The following MED23 variants were observed in gnomAD, a reference collection of about 807,000 sequenced individuals.
MED23 encodes mediator of RNA polymerase II transcription subunit 23.
In MED23, 105 loss-of-function variants were observed where a neutral mutation model predicts 163.9. That is an observed-to-expected ratio of 0.64 (90% confidence interval 0.55 to 0.75). The LOEUF (loss-of-function observed/expected upper bound fraction) is 0.75, where lower values mean the gene tolerates loss of function less well. MED23 is among the 30% of genes least tolerant of loss of function. The pLI, the probability that MED23 is intolerant of heterozygous loss-of-function variation, is 0.00. For missense variants in MED23, 1,054 were observed against 1,649.0 expected, an observed-to-expected ratio of 0.64 and a Z score of 6.25; for synonymous variants, 561 against 565.6, an observed-to-expected ratio of 0.99 and a Z score of 0.12.
chr6:131,593,999 C>G (rs1299878628), intron 23 of MED23, 100 bp downstream of exon 23: 3 of 1,029,622 alleles, frequency 2.9e-6, no homozygotes, highest in Non-Finnish European at 4.3e-6. Context: ...AAAATTAAAA[C>G]CTTGAAATAC....
At position 131,595,955 on chromosome 6, in the gene MED23, T is replaced by G. The variant is rs1224659801; in HGVS notation, c.2987A>C (p.Lys996Thr). 2 of 1,613,430 alleles carry G rather than the reference T, an allele frequency of 1.2e-6. No individual in the cohort carries two copies. Among genetic ancestry groups the G allele is most frequent in the Non-Finnish European group, 1.7e-6 (2 of 1,179,554 alleles). Residue 996 changes from lysine to threonine, a missense_variant, in exon 22 of 29, where the codon AAA becomes ACA. Lys to Thr is a moderately conservative substitution (Grantham distance 78). Around this residue, in one of 11 missense-constraint regions of MED23, gnomAD observed 362 missense variants for 471.6 expected, o/e 0.77. Coordinates refer to ENST00000368068, the MANE Select transcript of MED23 (RefSeq NM_004830.4). ...TLLDHLGGLY[K>T]FHDRPVTYLY... ...AATTGGAAAAAGCTCACCATGAAAT[T>G]TATATAAGCCTCCTAGATGATCCAG...
At chr6:131,620,801 A>ATT in intron 6 of MED23, 72 bp from the exon 7 acceptor site, 2 of 884,758 alleles carry the variant, frequency 2.3e-6, no homozygotes, top group Non-Finnish European at 3.4e-6. Context: ...ATTTATTATC[A>ATT]TTATTTTTTT....
chr6:131,596,333 C>A, intron 21 of MED23, 170 bp from the exon 22 acceptor site: 4 of 855,462 alleles, frequency 4.7e-6, no homozygotes, highest in South Asian at 3.2e-5. Context: ...ACTAAAACTG[C>A]AGTTTCAATT....
chr6:131,589,392 A>C, intron 28 of MED23, 73 bp downstream of exon 28: 1 of 1,435,178 alleles, frequency 7.0e-7, no homozygotes, highest in South Asian at 1.3e-5. Flanking sequence ...CCCAAACCAA[A>C]AAAGTCTATT....
intron 23 of MED23, 101 bp downstream of exon 23, chr6:131,593,998 A>G: frequency 1.0e-6 from 1 of 998,698 alleles, no homozygotes; most frequent in Non-Finnish European, 1.5e-6. Context: ...AAAAATTAAA[A>G]CCTTGAAATA....
In MED23 at chr6:131,623,390, A is replaced by G; in HGVS notation, c.357T>C (p.Phe119=). ...CCCCAATTATTTTCCGAACCAGTTT[A>G]AATGTTAAGGCCCAAAGCTGTGTTC... ...WERTQLWALT[F]KLVRKIIGGV... Residue 119 remains phenylalanine, a synonymous_variant, in exon 5 of 29, where the codon TTT becomes TTC. Coordinates refer to ENST00000368068, the MANE Select transcript of MED23 (RefSeq NM_004830.4). 1 of 1,614,140 alleles carries G rather than the reference A, an allele frequency of 6.2e-7. No individual in the cohort carries two copies. The highest frequency in any genetic ancestry group is 2.2e-5 in the East Asian group (1 of 44,880).
intron 7 of MED23, 135 bp from the exon 8 acceptor site, chr6:131,620,031 T>C: frequency 1.5e-6 from 1 of 666,416 alleles, no homozygotes; most frequent in Non-Finnish European, 2.7e-6. Context: ...TGTTTAAAGG[T>C]TAGCTCCCTT....
intron 30 of MED23, chr6:131,578,992 G>T: frequency 8.4e-7 from 1 of 1,190,986 alleles, no homozygotes; most frequent in Non-Finnish European, 1.2e-6. Context: ...AGACCTTTCA[G>T]GTTTTTCCTT....
chr6:131,624,325 G>C (rs1777327327), intron 4 of MED23, among the ~76,000 whole-genome samples: 1 of 152,182 alleles, frequency 6.6e-6, no homozygotes, highest in Non-Finnish European at 1.5e-5. Context: ...TTGCTGTTAG[G>C]CTCCACCATG....
chr6:131,596,356 T>C, intron 21 of MED23, 162 bp downstream of exon 21: 1 of 921,874 alleles, frequency 1.1e-6, no homozygotes, highest in Non-Finnish European at 1.7e-6. Flanking sequence ...TTCTCAACAT[T>C]ATAGAAACTC....
intron 30 of MED23, among the ~76,000 whole-genome samples, chr6:131,581,684 T>C (rs913803821): frequency 3.3e-5 from 5 of 152,218 alleles, no homozygotes; most frequent in Admixed American, 6.5e-5. Context: ...TTGCCCAAGA[T>C]ATATGCCAAG....
chr6:131,582,486 T>A (rs917703933), downstream of MED23: 17 of 743,546 alleles, frequency 2.3e-5, no homozygotes, highest in Non-Finnish European at 3.9e-5. Context: ...TAATTGTGTA[T>A]TATTTTTACA....
chr6:131,592,268 C>A (rs1774699485), intron 25 of MED23, 120 bp downstream of exon 25: 1 of 858,490 alleles, frequency 1.2e-6, no homozygotes, highest in South Asian at 1.4e-5. Context: ...ACATAAAATA[C>A]TTCATTAATT....
At chr6:131,591,762 T>C (rs577397824) in intron 25 of MED23, 20 of 566,234 alleles carry the variant, frequency 3.5e-5, no homozygotes, top group Non-Finnish European at 6.3e-5. Flanking sequence ...GTACCTGATA[T>C]ACACTATGCA....
chr6:131,608,234 T>A (rs529302425), intron 11 of MED23, among the ~76,000 whole-genome samples, 163 bp from the exon 12 acceptor site: 1 of 152,282 alleles, frequency 6.6e-6, no homozygotes, highest in African/African-American at 2.4e-5. Flanking sequence ...TAGTCTCAAT[T>A]CAAGACACAC....
chr6:131,597,498 GA>G (rs1223087168), intron 20 of MED23, among the ~76,000 whole-genome samples: 239 of 111,542 alleles, frequency 2.1e-3, no homozygotes, highest in Middle Eastern at 4.5e-3. Flanking sequence ...AAAAAAAAAA[GA>G]AAAAAAAAAT....
At chr6:131,623,761 C>G (rs1351957090) in intron 4 of MED23, among the ~76,000 whole-genome samples, 5 of 152,146 alleles carry the variant, frequency 3.3e-5, no homozygotes, top group Admixed American at 3.3e-4. Context: ...TGCCATTATT[C>G]TAAGTTTCCT....
chr6:131,608,185 G>A, intron 11 of MED23, 114 bp from the exon 12 acceptor site: 1 of 1,158,352 alleles, frequency 8.6e-7, no homozygotes, highest in Non-Finnish European at 1.3e-6. Flanking sequence ...TTCTTGCTCT[G>A]AGAAAGTCAG....
rs779509027 is a variant in MED23 at position 131,595,971 on chromosome 6, G to A, written c.2971C>T (p.Leu991=). 1 of 1,613,926 alleles carries A rather than the reference G, an allele frequency of 6.2e-7. No individual in the cohort carries two copies. Among genetic ancestry groups the A allele is most frequent in the East Asian group, 2.2e-5 (1 of 44,866 alleles). ...CCATGAAATTTATATAAGCCTCCTAGATGATCCAGTAGAGTCTCCAGTGAT... is the reference window on the plus strand; with the variant it reads ...CCATGAAATTTATATAAGCCTCCTAAATGATCCAGTAGAGTCTCCAGTGAT... ...SKSLETLLDH[L]GGLYKFHDRP... is the part of the protein sequence containing the mutation. The change falls in exon 22 of 29, where the codon CTA becomes TTA. Residue 991 remains leucine (L), a synonymous_variant. Transcript: ENST00000368068.
Sources: gnomAD v4.1 joint callset for allele counts (sites outside exome capture counted in the v4.1 genomes callset) on GRCh38, gnomAD v4.1.1 for gene constraint, gnomAD v4.1.1 regional missense constraint, MANE v1.5 for transcripts, NCBI Gene and HGNC (gene_info 2026-07-23, HGNC 2026-07-21) for gene names.